Variants in NDFIP2 observed in about 807,000 individuals in gnomAD.
NDFIP2 encodes NEDD4 family-interacting protein 2.
Under a neutral mutation model 36.0 loss-of-function variants are expected in NDFIP2, and 19 were observed. That is an observed-to-expected ratio of 0.53 (90% confidence interval 0.37 to 0.77). The LOEUF is 0.77. Among genes scored for constraint, NDFIP2 ranks in the 30% least tolerant of loss-of-function variants. NDFIP2 has a pLI of 0.00. For synonymous variants in NDFIP2, 181 were observed against 167.7 expected, an observed-to-expected ratio of 1.08 and a Z score of -0.61; for missense variants, 446 against 435.8, an observed-to-expected ratio of 1.02 and a Z score of -0.21.
chr13:79,523,520 C>G (rs1443356748), intron 2 of NDFIP2, among the ~76,000 whole-genome samples: 1 of 152,080 alleles, frequency 6.6e-6, no homozygotes, highest in Non-Finnish European at 1.5e-5. Flanking sequence ...GCGCCCAGCC[C>G]ATACTGTGTT....
intron 1 of NDFIP2, among the ~76,000 whole-genome samples, chr13:79,511,355 G>GT (rs1874078354): frequency 6.6e-6 from 1 of 152,152 alleles, no homozygotes; most frequent in African/African-American, 2.4e-5. Context: ...AAAAGTAGTA[G>GT]TTATTATAAA....
At chr13:79,503,843 TAGAG>T (rs1318048993) in intron 1 of NDFIP2, among the ~76,000 whole-genome samples, 3 of 152,282 alleles carry the variant, frequency 2.0e-5, no homozygotes, top group East Asian at 1.9e-4. Context: ...AATAGGGTGA[TAGAG>T]AGTCTGGCAG....
At chr13:79,506,638 T>A (rs1438013854) in intron 1 of NDFIP2, among the ~76,000 whole-genome samples, 1 of 152,052 alleles carries the variant, frequency 6.6e-6, no homozygotes, top group Non-Finnish European at 1.5e-5. Context: ...ATATACTTTA[T>A]TTTTAAAAAA....
At chr13:79,530,920 G>A (rs1874990711) in intron 2 of NDFIP2, among the ~76,000 whole-genome samples, 2 of 152,288 alleles carry the variant, frequency 1.3e-5, no homozygotes, top group South Asian at 2.1e-4. Context: ...GATCCTGAAT[G>A]TTTTTAATGC....
At chr13:79,496,081 A>G (rs904360048) in intron 1 of NDFIP2, among the ~76,000 whole-genome samples, 2 of 151,918 alleles carry the variant, frequency 1.3e-5, no homozygotes, top group African/African-American at 2.4e-5. Flanking sequence ...TAAAAAACAT[A>G]AGAGAAAAAA....
At chr13:79,534,559 G>A (rs774252403) in intron 3 of NDFIP2, among the ~76,000 whole-genome samples, 8 of 152,086 alleles carry the variant, frequency 5.3e-5, no homozygotes, top group Non-Finnish European at 1.0e-4. Context: ...AGCCAGGTAA[G>A]AGGCAGAAAT....
At position 79,496,144 on chromosome 13, in the gene NDFIP2, T is replaced by C. The variant is rs192384444; in HGVS notation, c.321+14620T>C. Among the ~76,000 whole-genome samples, 962 of 152,050 alleles carry C rather than the reference T, an allele frequency of 6.3e-3. 10 individuals carry two copies. Among genetic ancestry groups the C allele is most frequent in the South Asian group, 0.012 (59 of 4,828 alleles). Reference sequence around the variant, plus strand: ...TACCATTCTCTGTATCCTGTATTCATTCTTGAAGACACGTTTCCCTGTATT... The same window carrying C: ...TACCATTCTCTGTATCCTGTATTCACTCTTGAAGACACGTTTCCCTGTATT... On this transcript the variant is annotated intron_variant, in intron 1 of 7. Transcript: ENST00000218652.
At chr13:79,525,191 C>G (rs1874743216) in intron 2 of NDFIP2, among the ~76,000 whole-genome samples, 1 of 152,204 alleles carries the variant, frequency 6.6e-6, no homozygotes, top group African/African-American at 2.4e-5. Context: ...TGTATAGGCT[C>G]AGTGCCTTCT....
intron 2 of NDFIP2, among the ~76,000 whole-genome samples, chr13:79,524,447 T>C: frequency 6.6e-6 from 1 of 152,264 alleles, no homozygotes; most frequent in East Asian, 1.9e-4. Flanking sequence ...TGTTAGGGGC[T>C]GCATCGATTG....
intron 2 of NDFIP2, among the ~76,000 whole-genome samples, chr13:79,522,710 T>C (rs1260706140): frequency 6.6e-6 from 1 of 152,228 alleles, no homozygotes; most frequent in Non-Finnish European, 1.5e-5. Flanking sequence ...AAGACAGTTA[T>C]ATGTGGCTTC....
chr13:79,542,439 A>G (rs1875490797), intron 4 of NDFIP2, among the ~76,000 whole-genome samples: 1 of 151,974 alleles, frequency 6.6e-6, no homozygotes, highest in Non-Finnish European at 1.5e-5. Flanking sequence ...CCAGCAATGA[A>G]TGAGAGTTCC....
intron 6 of NDFIP2, among the ~76,000 whole-genome samples, chr13:79,550,119 C>T (rs1308216281): frequency 6.6e-6 from 1 of 151,664 alleles, no homozygotes; most frequent in African/African-American, 2.4e-5. Context: ...TGGATCCCCC[C>T]CACCCTGTTT....
In NDFIP2 at chr13:79,507,484, CG is replaced by C. The variant is rs1215665096; in HGVS notation, c.322-13323del. 2.9e-5 allele frequency among the ~76,000 whole-genome samples: 2 copies of C among 67,996 alleles called. 1 individual carries two copies. Among genetic ancestry groups the C allele is most frequent in the East Asian group, 8.9e-4 (2 of 2,236 alleles). The allele number at this position is 67,996 out of a possible 152,430, so 44.6% of individuals were successfully genotyped here. The stretch of plus-strand genomic sequence containing the variant: ...AGAGACGGGGTTTCACCGTTTTAGC[CG>C]GGATGGTCTCGATCTCCTGACCTCG... On this transcript the variant is annotated intron_variant, in intron 1 of 7. Coordinates refer to ENST00000218652, the MANE Select transcript of NDFIP2 (RefSeq NM_019080.3).
Position 79,551,018 on chromosome 13 carries a change from C to A in NDFIP2, c.909C>A (p.Gly303=), listed in dbSNP as rs1365701432. The part of the protein sequence containing the change: ...YWLWWIFLVL[G]LLLFFRGFVN... ...TCCATATTATTTCAACCTTCTCAGG[C>A]CTGCTCCTTTTCTTCAGAGGATTTG... The change falls in exon 7 of 8, where the codon GGC becomes GGA. Residue 303 remains glycine, a splice_region_variant and synonymous_variant. Transcript: ENST00000218652. 4.4e-6 allele frequency: 7 copies of A among 1,588,062 alleles called. No individual in the cohort carries two copies. The highest frequency in any genetic ancestry group is 5.2e-6 in the Non-Finnish European group (6 of 1,164,404).
rs1403788588 is a variant in NDFIP2 at position 79,551,021 on chromosome 13, G to T, written c.912G>T (p.Leu304=). 2.5e-6 allele frequency: 4 copies of T among 1,591,168 alleles called. No individual in the cohort carries two copies. The highest frequency in any genetic ancestry group is 3.4e-6 in the Non-Finnish European group (4 of 1,166,902). The change falls in exon 7 of 8, where the codon CTG becomes CTT. Residue 304 remains leucine (L), a synonymous_variant. Coordinates refer to ENST00000218652, the MANE Select transcript of NDFIP2 (RefSeq NM_019080.3). ...ATATTATTTCAACCTTCTCAGGCCTGCTCCTTTTCTTCAGAGGATTTGTTA... is the reference window on the plus strand; with the variant it reads ...ATATTATTTCAACCTTCTCAGGCCTTCTCCTTTTCTTCAGAGGATTTGTTA... The part of the protein sequence containing the change: ...WLWWIFLVLG[L]LLFFRGFVNY...
intron 2 of NDFIP2, among the ~76,000 whole-genome samples, chr13:79,522,874 T>C (rs2137088752): frequency 6.6e-6 from 1 of 152,312 alleles, no homozygotes; most frequent in Non-Finnish European, 1.5e-5. Flanking sequence ...TAGAAATGAG[T>C]CACTAAGTTT....
At chr13:79,545,487 C>T (rs1301622089) in intron 5 of NDFIP2, among the ~76,000 whole-genome samples, 3 of 152,166 alleles carry the variant, frequency 2.0e-5, no homozygotes, top group Non-Finnish European at 2.9e-5. Flanking sequence ...AATACTTTTA[C>T]TGAGTTAGAG....
rs1056701452 is a variant in NDFIP2, at chr13:79,554,001, A to G, written c.*1488A>G. On this transcript the variant is annotated 3_prime_UTR_variant, in exon 8 of 8. Transcript: ENST00000218652. Reference sequence around the variant, plus strand: ...TCAGGGACATTTTTCCATTTCCAAAAAATAAAATTTATTATGCTTTATAAC... The same window carrying G: ...TCAGGGACATTTTTCCATTTCCAAAGAATAAAATTTATTATGCTTTATAAC... 1 of 151,696 alleles carries G rather than the reference A, an allele frequency of 6.6e-6. No homozygotes were observed. Among genetic ancestry groups the G allele is most frequent in the East Asian group, 1.9e-4 (1 of 5,204 alleles). The allele number at this position is 151,696 out of a possible 1,614,324, so 9.4% of individuals were successfully genotyped here.
chr13:79,549,668 A>G (rs1875824523), intron 6 of NDFIP2, among the ~76,000 whole-genome samples: 1 of 151,978 alleles, frequency 6.6e-6, no homozygotes, highest in South Asian at 2.1e-4. Flanking sequence ...GGCTTCTTTT[A>G]GAAAATGCCT....
Sources: allele counts gnomAD v4.1 joint callset (sites outside exome capture counted in the v4.1 genomes callset), GRCh38; gene constraint gnomAD v4.1.1; transcripts MANE v1.5; gene names NCBI Gene and HGNC (gene_info 2026-07-23, HGNC 2026-07-21).